C8orf34: variants seen among roughly 807,000 people sequenced by gnomAD.
The protein encoded by C8orf34 is chromosome 8 open reading frame 34, also known as uncharacterized protein C8orf34.
Under a neutral mutation model 68.3 loss-of-function variants are expected in C8orf34, and 65 were observed. The observed-to-expected ratio is 0.95, with a 90% CI of 0.78 to 1.17. The LOEUF (loss-of-function observed/expected upper bound fraction) is 1.17. C8orf34 is among the 50% of genes most tolerant of loss of function. The pLI, the probability that C8orf34 is intolerant of heterozygous loss-of-function variation, is 0.00. For missense variants in C8orf34, 664 were observed against 655.4 expected (o/e 1.01, Z -0.14); for synonymous variants, 244 against 241.2 (o/e 1.01, Z -0.11).
At chr8:68,390,136 T>C (rs1212314139) in intron 1 of C8orf34, among the ~76,000 whole-genome samples, 1 of 152,024 alleles carries the variant, frequency 6.6e-6, no homozygotes, top group African/African-American at 2.4e-5. Context: ...TGTTTTGCCA[T>C]GGAAAGAAGG....
rs1418954072 is a variant in C8orf34 at position 68,489,961 on chromosome 8, T to A, written c.765+1910T>A. On this transcript the variant is annotated intron_variant, in intron 5 of 13. Coordinates refer to ENST00000518698, the MANE Select transcript of C8orf34 (RefSeq NM_052958.4). ...CCATCATAATATTTTAGAATTAGTT[T>A]CATTGTCATCTGTACCGACTCCAGG... is the stretch of plus-strand genomic sequence containing the variant. Among the ~76,000 whole-genome samples, 3 of 152,176 alleles carry A rather than the reference T, an allele frequency of 2.0e-5. No homozygotes were observed. In the East Asian group the frequency reaches 5.8e-4, roughly 29 times the overall value.
intron 12 of C8orf34, among the ~76,000 whole-genome samples, chr8:68,793,273 A>G (rs1307988435): frequency 6.6e-6 from 1 of 152,210 alleles, no homozygotes; most frequent in African/African-American, 2.4e-5. Context: ...AAAACTACAT[A>G]CTTCCAAAAG....
intron 8 of C8orf34, among the ~76,000 whole-genome samples, chr8:68,692,954 G>A (rs1453049793): frequency 3.3e-5 from 5 of 152,094 alleles, no homozygotes; most frequent in Non-Finnish European, 5.9e-5. Flanking sequence ...AATTGAGCCA[G>A]ACATCTAGAA....
intron 7 of C8orf34, chr8:68,535,104 A>G (rs6989036): frequency 2.8e-5 from 28 of 984,534 alleles, no homozygotes; most frequent in Non-Finnish European, 3.1e-5. Flanking sequence ...ACTGGACTTT[A>G]TCTTAAAATA....
chr8:68,613,284 CT>C (rs1230624579), intron 7 of C8orf34, among the ~76,000 whole-genome samples: 1 of 151,694 alleles, frequency 6.6e-6, no homozygotes, highest in Non-Finnish European at 1.5e-5. Context: ...TATTTTATGC[CT>C]TTTTCTTTTT....
chr8:68,356,942 T>C (rs1806775096), intron 1 of C8orf34, among the ~76,000 whole-genome samples: 1 of 152,144 alleles, frequency 6.6e-6, no homozygotes, highest in Non-Finnish European at 1.5e-5. Context: ...TAGATTGCAG[T>C]GAGAAGACAT....
At chr8:68,742,963 C>G (rs1048281266) in intron 10 of C8orf34, among the ~76,000 whole-genome samples, 8 of 152,204 alleles carry the variant, frequency 5.3e-5, no homozygotes, top group Admixed American at 2.0e-4. Context: ...CCATCTTAGT[C>G]TTCTTTGCTA....
intron 12 of C8orf34, among the ~76,000 whole-genome samples, chr8:68,795,565 C>A (rs989846213): frequency 2.6e-5 from 4 of 152,106 alleles, no homozygotes; most frequent in African/African-American, 7.2e-5. Context: ...TCTATGTTAC[C>A]TGTTGTACTC....
chr8:68,454,869 A>G (rs1811484482), intron 3 of C8orf34, among the ~76,000 whole-genome samples: 1 of 151,904 alleles, frequency 6.6e-6, no homozygotes, highest in South Asian at 2.1e-4. Context: ...CTTCTTTATT[A>G]ATGGGGACAT....
At position 68,435,374 on chromosome 8, in the gene C8orf34, G is replaced by T. The variant is rs551500027; in HGVS notation, c.328-4125G>T. ...TTATGATAGAGAGTTAGAAGGTTGGGCCACAGAGGACATGGAAATGCTGCT... is the reference window on the plus strand; with the variant it reads ...TTATGATAGAGAGTTAGAAGGTTGGTCCACAGAGGACATGGAAATGCTGCT... On this transcript the variant is annotated intron_variant, in intron 1 of 13. Transcript: ENST00000518698. 2.4e-4 allele frequency among the ~76,000 whole-genome samples: 37 copies of T among 152,164 alleles called. No homozygotes were observed. In the South Asian group the frequency reaches 7.7e-3, roughly 32 times the overall value.
chr8:68,683,491 G>C (rs925861283), intron 8 of C8orf34, among the ~76,000 whole-genome samples: 1 of 151,900 alleles, frequency 6.6e-6, no homozygotes, highest in South Asian at 2.1e-4. Context: ...ATGAAGGGTT[G>C]GTGGGGGTGT....
rs1189518139 is a variant in C8orf34, at chr8:68,464,691, C to A, written c.608-4001C>A. On this transcript the variant is annotated intron_variant, in intron 3 of 13. Transcript: ENST00000518698. ...CTTTGACAAACCTGAGAAAAACAAG[C>A]AATGGGGAAAGGATTCCCTATTTAA... Among the ~76,000 whole-genome samples, 4 of 151,306 alleles carry A rather than the reference C, an allele frequency of 2.6e-5. No individual in the cohort carries two copies. The East Asian group carries it at 5.8e-4, about 22-fold the overall frequency.
At chr8:68,607,614 A>G (rs138744153) in intron 7 of C8orf34, among the ~76,000 whole-genome samples, 1,740 of 152,150 alleles carry the variant, frequency 0.011, 16 homozygotes, top group Non-Finnish European at 0.016. Flanking sequence ...TTGGGGAAAA[A>G]TTTTTCAGCC....
At chr8:68,465,957 AAAAT>A (rs1316746853) in intron 3 of C8orf34, among the ~76,000 whole-genome samples, 1 of 147,960 alleles carries the variant, frequency 6.8e-6, no homozygotes, top group Non-Finnish European at 1.5e-5. Flanking sequence ...ATAATAAAAT[AAAAT>A]AAAATAAAAT....
intron 1 of C8orf34, among the ~76,000 whole-genome samples, chr8:68,427,848 A>G (rs1393824215): frequency 6.6e-6 from 1 of 151,634 alleles, no homozygotes; most frequent in South Asian, 2.1e-4. Flanking sequence ...ATTTCTTGTG[A>G]TTGTATAGTT....
In C8orf34 at chr8:68,588,333, C is replaced by T. The variant is rs1046377264; in HGVS notation, c.1106-52043C>T. 9.8e-4 allele frequency among the ~76,000 whole-genome samples: 147 copies of T among 150,730 alleles called. 2 individuals carry two copies. Among genetic ancestry groups the T allele is most frequent in the Non-Finnish European group, 4.4e-5 (3 of 67,976 alleles). ...AGGATAAAAAGCAAATAGTATAAAG[C>T]AGATAGTATAAAGCATATAGTATAT... On this transcript the variant is annotated intron_variant, in intron 7 of 13. Transcript: ENST00000518698.
At chr8:68,559,318 A>G (rs1031681606) in intron 7 of C8orf34, among the ~76,000 whole-genome samples, 2 of 152,196 alleles carry the variant, frequency 1.3e-5, no homozygotes, top group African/African-American at 4.8e-5. Context: ...GAATTCAGGA[A>G]AAATAATTTT....
intron 7 of C8orf34, among the ~76,000 whole-genome samples, chr8:68,594,838 T>C (rs1018313953): frequency 6.6e-6 from 1 of 152,154 alleles, no homozygotes; most frequent in African/African-American, 2.4e-5. Context: ...GTTTTAAATG[T>C]TCTGTTCTTT....
chr8:68,530,069 A>G (rs1022199002), intron 6 of C8orf34, among the ~76,000 whole-genome samples: 1 of 152,098 alleles, frequency 6.6e-6, no homozygotes, highest in Non-Finnish European at 1.5e-5. Context: ...AGAATATTAT[A>G]AAGTATAATA....
Sources: allele counts gnomAD v4.1 joint callset (sites outside exome capture counted in the v4.1 genomes callset), GRCh38; gene constraint gnomAD v4.1.1; transcripts MANE v1.5; gene names NCBI Gene and HGNC (gene_info 2026-07-23, HGNC 2026-07-21).